Variants in ENTREP2 observed in about 807,000 individuals in gnomAD.
ENTREP2 encodes endosomal transmembrane epsin interactor 2, also known as protein ENTREP2.
the ENTREP2 span, among the ~76,000 whole-genome samples, chr15:29,129,842 C>T: frequency 4.0e-5 from 6 of 151,326 alleles, no homozygotes; most frequent in South Asian, 2.1e-4. Flanking sequence ...ACACATGTTG[C>T]ATGAGCACCC....
chr15:29,178,711 C>T, the ENTREP2 span, among the ~76,000 whole-genome samples: 3 of 152,226 alleles, frequency 2.0e-5, no homozygotes, highest in African/African-American at 7.2e-5. Flanking sequence ...GAGATGTTTA[C>T]AGTTCTTGAG....
At chr15:29,405,846 C>T in the ENTREP2 span, among the ~76,000 whole-genome samples, 1 of 152,234 alleles carries the variant, frequency 6.6e-6, no homozygotes, top group Non-Finnish European at 1.5e-5. Flanking sequence ...TCCTGACCAG[C>T]TTCACAGCCC....
the ENTREP2 span, among the ~76,000 whole-genome samples, chr15:29,517,752 G>C: frequency 3.3e-5 from 5 of 152,070 alleles, no homozygotes; most frequent in African/African-American, 1.2e-4. Context: ...TTTGTGAAAG[G>C]TGACATTTTA....
At chr15:29,389,272 G>A in the ENTREP2 span, among the ~76,000 whole-genome samples, 1 of 152,048 alleles carries the variant, frequency 6.6e-6, no homozygotes, top group Non-Finnish European at 1.5e-5. Context: ...TTTCTGTTAG[G>A]TCACCTAGTC....
chr15:29,551,331 A>C, the ENTREP2 span, among the ~76,000 whole-genome samples: 1 of 152,124 alleles, frequency 6.6e-6, no homozygotes, highest in South Asian at 2.1e-4. Context: ...TTCCATGCTG[A>C]GCGATGGTCA....
chr15:29,198,422 A>G, the ENTREP2 span, among the ~76,000 whole-genome samples: 9 of 152,232 alleles, frequency 5.9e-5, no homozygotes, highest in Admixed American at 3.9e-4. Flanking sequence ...CAAACAAATT[A>G]TACTCCCACC....
the ENTREP2 span, among the ~76,000 whole-genome samples, chr15:29,655,101 AT>A: frequency 6.6e-6 from 1 of 152,062 alleles, no homozygotes; most frequent in Non-Finnish European, 1.5e-5. Flanking sequence ...TTCTAAAGTG[AT>A]CTGAAAAAAC....
chr15:29,489,313 T>C, the ENTREP2 span, among the ~76,000 whole-genome samples: 2 of 152,146 alleles, frequency 1.3e-5, no homozygotes, highest in Admixed American at 6.5e-5. Flanking sequence ...TGGGTGCTTG[T>C]AGCAATATCA....
chr15:29,369,191 T>G, the ENTREP2 span, among the ~76,000 whole-genome samples: 2 of 151,960 alleles, frequency 1.3e-5, no homozygotes, highest in Non-Finnish European at 2.9e-5. Flanking sequence ...GCCAAAGACT[T>G]CCCAAATTTG....
At chr15:29,234,033 A>T in the ENTREP2 span, 1 of 1,464,806 alleles carries the variant, frequency 6.8e-7, no homozygotes, top group South Asian at 1.1e-5. Context: ...CTGGGTCAAG[A>T]TCTTCCTCAT....
chr15:29,402,251 A>AT, the ENTREP2 span, among the ~76,000 whole-genome samples: 1 of 111,824 alleles, frequency 8.9e-6, no homozygotes. Flanking sequence ...ATTATAGAAG[A>AT]ATATATATAT....
chr15:29,638,196 G>C, the ENTREP2 span, among the ~76,000 whole-genome samples: 3 of 152,230 alleles, frequency 2.0e-5, no homozygotes, highest in Non-Finnish European at 4.4e-5. Context: ...AAAAACAGTG[G>C]CTATGGGCCA....
the ENTREP2 span, among the ~76,000 whole-genome samples, chr15:29,212,618 G>T: frequency 1.3e-5 from 2 of 152,080 alleles, no homozygotes; most frequent in African/African-American, 4.8e-5. Flanking sequence ...TGATGCAGGC[G>T]TTTAGGGCTA....
the ENTREP2 span, among the ~76,000 whole-genome samples, chr15:29,136,212 T>C: frequency 1.3e-5 from 2 of 152,134 alleles, no homozygotes; most frequent in African/African-American, 4.8e-5. Context: ...GAGAGATGAA[T>C]GCATCCGGGG....
the ENTREP2 span, among the ~76,000 whole-genome samples, chr15:29,510,634 T>C: frequency 2.4e-4 from 37 of 151,356 alleles, no homozygotes; most frequent in Non-Finnish European, 4.6e-4. Context: ...TGAAACCCCA[T>C]CTCTACTAAA....
At chr15:29,196,246 G>A in the ENTREP2 span, among the ~76,000 whole-genome samples, 1 of 152,150 alleles carries the variant, frequency 6.6e-6, no homozygotes, top group African/African-American at 2.4e-5. Flanking sequence ...GATCCAGAAA[G>A]CAACACTTTC....
the ENTREP2 span, among the ~76,000 whole-genome samples, chr15:29,147,024 C>CA: frequency 6.6e-6 from 1 of 151,862 alleles, no homozygotes; most frequent in Non-Finnish European, 1.5e-5. Context: ...GATGTGACAC[C>CA]AGAAGCACAA....
chr15:29,585,203 G>A, the ENTREP2 span, among the ~76,000 whole-genome samples: 2 of 152,158 alleles, frequency 1.3e-5, no homozygotes, highest in Admixed American at 6.5e-5. Flanking sequence ...GAAGCTAACT[G>A]GGAAATCCTT....
At chr15:29,253,925 A>C in the ENTREP2 span, among the ~76,000 whole-genome samples, 1 of 152,296 alleles carries the variant, frequency 6.6e-6, no homozygotes, top group South Asian at 2.1e-4. Context: ...TAGTTCATAT[A>C]TGAAAAGCAG....
Sources: gnomAD v4.1 joint callset for allele counts (sites outside exome capture counted in the v4.1 genomes callset) on GRCh38, gnomAD v4.1.1 for gene constraint, MANE v1.5 for transcripts, NCBI Gene and HGNC (gene_info 2026-07-23, HGNC 2026-07-21) for gene names.